SLC24A2: variants seen among roughly 807,000 people sequenced by gnomAD.
SLC24A2 encodes sodium/potassium/calcium exchanger 2.
SLC24A2 carries 36 observed loss-of-function variants against 62.0 expected under a neutral mutation model. The ratio of observed to expected loss-of-function variants is 0.58; its 90% confidence interval spans 0.44 to 0.77. The LOEUF (loss-of-function observed/expected upper bound fraction) is 0.77, where lower values mean the gene tolerates loss of function less well. Among genes scored for constraint, SLC24A2 ranks in the 30% least tolerant of loss-of-function variants. SLC24A2 has a pLI of 0.00. For synonymous variants in SLC24A2, 358 were observed against 294.0 expected (o/e 1.22, Z -2.23); for missense variants, 846 against 817.9 (o/e 1.03, Z -0.42).
At chr9:19,655,945 A>G (rs1818930518) in intron 2 of SLC24A2, among the ~76,000 whole-genome samples, 1 of 152,208 alleles carries the variant, frequency 6.6e-6, no homozygotes, top group Admixed American at 6.5e-5. Flanking sequence ...TAAAGGTGCC[A>G]TACTTGATAC....
chr9:20,289,885 A>T, the SLC24A2 span, among the ~76,000 whole-genome samples: 1 of 152,288 alleles, frequency 6.6e-6, no homozygotes, highest in African/African-American at 2.4e-5. Context: ...ATTTTTTCCT[A>T]CGCTTCTATG....
the SLC24A2 span, among the ~76,000 whole-genome samples, chr9:20,134,549 A>G: frequency 2.6e-5 from 4 of 152,288 alleles, no homozygotes; most frequent in African/African-American, 4.8e-5. Context: ...ACAATTTTGC[A>G]TAGTTTTAGA....
chr9:20,280,342 A>G, the SLC24A2 span, among the ~76,000 whole-genome samples: 1 of 152,090 alleles, frequency 6.6e-6, no homozygotes, highest in South Asian at 2.1e-4. Context: ...GAGGGAGGTG[A>G]GGAGATGGGT....
At chr9:19,998,636 G>C in the SLC24A2 span, among the ~76,000 whole-genome samples, 2 of 152,198 alleles carry the variant, frequency 1.3e-5, no homozygotes, top group Non-Finnish European at 2.9e-5. Context: ...CCCTTTGTGT[G>C]CTCCCACATG....
chr9:19,981,871 T>G, the SLC24A2 span, among the ~76,000 whole-genome samples: 76 of 152,164 alleles, frequency 5.0e-4, no homozygotes, highest in African/African-American at 1.7e-3. Flanking sequence ...TTCACTTATG[T>G]GATCAAGCCC....
the SLC24A2 span, among the ~76,000 whole-genome samples, chr9:20,125,397 G>A: frequency 2.8e-4 from 43 of 152,292 alleles, no homozygotes; most frequent in East Asian, 2.3e-3. Flanking sequence ...TCAACTGCAC[G>A]TTGCATTAAT....
At chr9:20,073,238 T>C in the SLC24A2 span, among the ~76,000 whole-genome samples, 5 of 152,122 alleles carry the variant, frequency 3.3e-5, no homozygotes, top group Non-Finnish European at 4.4e-5. Flanking sequence ...TATTAGCAGA[T>C]TGCATCTTCT....
At chr9:19,838,713 T>C in the SLC24A2 span, among the ~76,000 whole-genome samples, 1 of 152,042 alleles carries the variant, frequency 6.6e-6, no homozygotes, top group Non-Finnish European at 1.5e-5. Context: ...TGAAGTTAAT[T>C]TCTAAGCATT....
chr9:20,003,305 A>C, the SLC24A2 span, among the ~76,000 whole-genome samples: 1 of 152,190 alleles, frequency 6.6e-6, no homozygotes, highest in Non-Finnish European at 1.5e-5. Flanking sequence ...CCACATATCC[A>C]CAAGTCAGCC....
the SLC24A2 span, among the ~76,000 whole-genome samples, chr9:20,256,530 T>G: frequency 6.6e-6 from 1 of 152,316 alleles, no homozygotes; most frequent in East Asian, 1.9e-4. Context: ...ACTTTCTATG[T>G]TGTGTTTCCT....
the SLC24A2 span, among the ~76,000 whole-genome samples, chr9:20,296,402 A>G: frequency 6.6e-6 from 1 of 152,234 alleles, no homozygotes; most frequent in African/African-American, 2.4e-5. Flanking sequence ...TTGCACAAAG[A>G]CTTTTAGAGA....
the SLC24A2 span, among the ~76,000 whole-genome samples, chr9:20,222,210 C>T: frequency 6.6e-6 from 1 of 151,328 alleles, no homozygotes; most frequent in Admixed American, 6.6e-5. Flanking sequence ...AATAATCTAG[C>T]TTATGAAACA....
intron 7 of SLC24A2, among the ~76,000 whole-genome samples, chr9:19,553,161 C>A (rs1692220984): frequency 6.6e-6 from 1 of 152,194 alleles, no homozygotes; most frequent in Non-Finnish European, 1.5e-5. Context: ...TAAAGTCTCA[C>A]TCTGGCTCAA....
intron 4 of SLC24A2, among the ~76,000 whole-genome samples, chr9:19,615,493 G>C (rs570453932): frequency 5.3e-5 from 8 of 152,252 alleles, no homozygotes; most frequent in African/African-American, 1.9e-4. Context: ...TTAATTTTTT[G>C]GCTGTTCTCG....
At chr9:20,034,460 T>G in the SLC24A2 span, among the ~76,000 whole-genome samples, 1,858 of 137,256 alleles carry the variant, frequency 0.014, 43 homozygotes, top group African/African-American at 0.049. Context: ...AGTTTTTTTT[T>G]TTTTTTTTTT....
At chr9:19,594,109 C>CA in intron 5 of SLC24A2, among the ~76,000 whole-genome samples, 1 of 152,144 alleles carries the variant, frequency 6.6e-6, no homozygotes, top group Non-Finnish European at 1.5e-5. Flanking sequence ...ACCTTCTCCA[C>CA]AAAATCTCCT....
chr9:19,973,219 G>C, the SLC24A2 span, among the ~76,000 whole-genome samples: 2 of 152,190 alleles, frequency 1.3e-5, no homozygotes, highest in East Asian at 3.8e-4. Flanking sequence ...CAGTGTTCTT[G>C]TGTAGCAGAC....
At chr9:19,571,025 C>T (rs1273370976) in intron 7 of SLC24A2, among the ~76,000 whole-genome samples, 1 of 152,132 alleles carries the variant, frequency 6.6e-6, no homozygotes, top group African/African-American at 2.4e-5. Context: ...CTTTTGCTCC[C>T]CTGCAGCAAG....
At chr9:20,209,465 C>T in the SLC24A2 span, among the ~76,000 whole-genome samples, 1 of 152,180 alleles carries the variant, frequency 6.6e-6, no homozygotes, top group Non-Finnish European at 1.5e-5. Context: ...AAACACAGTG[C>T]TAAACAAGCT....
Sources: gnomAD v4.1 joint callset for allele counts (sites outside exome capture counted in the v4.1 genomes callset) on GRCh38, gnomAD v4.1.1 for gene constraint, MANE v1.5 for transcripts, NCBI Gene and HGNC (gene_info 2026-07-23, HGNC 2026-07-21) for gene names.